PLRG1: variants seen among roughly 807,000 people sequenced by gnomAD.
PLRG1 encodes pleiotropic regulator 1, also known as pleiotropic regulator 1 (PRL1 homolog, Arabidopsis).
In PLRG1, 28 loss-of-function variants were observed where a neutral mutation model predicts 74.9. That is an observed-to-expected ratio of 0.37 (90% CI 0.28 to 0.51). The LOEUF (loss-of-function observed/expected upper bound fraction) is 0.51, where lower values mean the gene tolerates loss of function less well. Among genes scored for constraint, PLRG1 ranks in the 20% least tolerant of loss-of-function variants. PLRG1 has a pLI of 0.91. For missense variants in PLRG1, 445 were observed against 631.9 expected (o/e 0.70, Z 3.17); for synonymous variants, 197 against 212.4 (o/e 0.93, Z 0.63).
At chr4:154,549,197 T>A in intron 1 of PLRG1, 1 of 438,420 alleles carries the variant, frequency 2.3e-6, no homozygotes, top group South Asian at 1.9e-5. Context: ...ACTGTGTGTC[T>A]GGCAGGTATT....
Position 154,536,516 on chromosome 4 carries a change from A to G in PLRG1, c.*169T>C. 1.6e-6 allele frequency: 1 copy of G among 607,740 alleles called. No homozygotes were observed. Among genetic ancestry groups the G allele is most frequent in the Non-Finnish European group, 2.9e-6 (1 of 343,654 alleles). 37.6% of individuals were successfully genotyped at this position (607,740 alleles called of 1,614,324 possible). A position where few individuals can be genotyped will look rare whatever the true frequency, so the allele number is the denominator to read the frequency against. ...AGAAATAAAAACACAGGGGTAGGGG[A>G]CAGGGGACAGTTTATTGTAAAATAT... On this transcript the variant is annotated 3_prime_UTR_variant, in exon 15 of 15. Transcript: ENST00000499023.
rs140279149 is a variant in PLRG1 at position 154,536,659 on chromosome 4, A to G, written c.*26T>C. The G allele has an allele frequency of 6.6e-3, 8,357 of 1,267,288 alleles. 49 individuals carry two copies. The highest frequency in any genetic ancestry group is 0.017 in the Middle Eastern group (67 of 4,054). 78.5% of individuals were successfully genotyped at this position (1,267,288 alleles called of 1,614,324 possible). A position where few individuals can be genotyped will look rare whatever the true frequency, so the allele number is the denominator to read the frequency against. The stretch of plus-strand genomic sequence containing the variant: ...TTTTTTTTAATTAAAAAGAAAAAAA[A>G]AGAGAGAGAAAAAATTCCACATTCA... On this transcript the variant is annotated 3_prime_UTR_variant, in exon 15 of 15. Coordinates refer to ENST00000499023, the MANE Select transcript of PLRG1 (RefSeq NM_002669.4).
At chr4:154,541,249 T>C (rs1222247590) in intron 8 of PLRG1, among the ~76,000 whole-genome samples, 3 of 152,162 alleles carry the variant, frequency 2.0e-5, no homozygotes, top group African/African-American at 7.2e-5. Flanking sequence ...AAAGAAATCC[T>C]AAAAGCAGCA....
chr4:154,543,138 CTG>C (rs1729584667), intron 7 of PLRG1, among the ~76,000 whole-genome samples: 1 of 152,006 alleles, frequency 6.6e-6, no homozygotes, highest in South Asian at 2.1e-4. Context: ...TCATTACACA[CTG>C]TATGTTTTTC....
At position 154,544,493 on chromosome 4, in the gene PLRG1, G is replaced by A; in HGVS notation, c.546C>T (p.Ala182=). 1 of 1,612,782 alleles carries A rather than the reference G, an allele frequency of 6.2e-7. No homozygotes were observed. The highest frequency in any genetic ancestry group is 8.5e-7 in the Non-Finnish European group (1 of 1,178,974). ...GCCACTGGGGTTTTGGCATTGTAGG[G>A]GCTTTTTTAGCCATCAGTGCAGAGT... The part of the protein sequence containing the change: ...TKNSALMAKK[A]PTMPKPQWHP... Residue 182 remains alanine (A), a synonymous_variant, in exon 7 of 15, where the codon GCC becomes GCT. Transcript: ENST00000499023.
intron 6 of PLRG1, 92 bp from the exon 7 acceptor site, chr4:154,544,638 T>TA: frequency 2.9e-6 from 2 of 691,576 alleles, no homozygotes; most frequent in South Asian, 3.6e-5. Flanking sequence ...AGAGGGAACT[T>TA]ACAAAAGAAT....
chr4:154,543,239 C>T (rs11946124), intron 7 of PLRG1, among the ~76,000 whole-genome samples: 3,079 of 152,260 alleles, frequency 0.02, 102 homozygotes, highest in African/African-American at 0.07. Flanking sequence ...CCTCCGCCTC[C>T]TGAGCCCAAG....
rs1039810743 is a variant in PLRG1, at chr4:154,535,014, T to C, written c.*1671A>G. On this transcript the variant is annotated 3_prime_UTR_variant, in exon 15 of 15. Coordinates refer to ENST00000499023, the MANE Select transcript of PLRG1 (RefSeq NM_002669.4). ...CTCAGGAATGCAAGTGTAGTGTTCT[T>C]TTTTCTTTATTTAAGTTTACGAAAT... is the stretch of plus-strand genomic sequence containing the variant. 6.6e-6 allele frequency: 1 copy of C among 152,086 alleles called. No individual in the cohort carries two copies. The highest frequency in any genetic ancestry group is 6.6e-5 in the Admixed American group (1 of 15,236). 9.4% of individuals were successfully genotyped at this position (152,086 alleles called of 1,614,324 possible).
At chr4:154,538,879 G>C (rs1729504088) in intron 12 of PLRG1, 1 of 462,756 alleles carries the variant, frequency 2.2e-6, no homozygotes, top group East Asian at 3.1e-5. Context: ...TGTCTCATTT[G>C]ACATTATTTA....
intron 8 of PLRG1, 62 bp from the exon 9 acceptor site, chr4:154,540,996 A>T (rs7700005): frequency 0.32 from 383,148 of 1,192,388 alleles, 64,354 homozygotes; most frequent in Middle Eastern, 0.38. Context: ...AATTTTAGAA[A>T]CCTGATTATT....
chr4:154,539,018 C>A, intron 12 of PLRG1, 87 bp downstream of exon 12: 2 of 803,982 alleles, frequency 2.5e-6, no homozygotes, highest in Non-Finnish European at 4.4e-6. Context: ...TAAATGACTG[C>A]CAAAAGCAGT....
intron 10 of PLRG1, 45 bp downstream of exon 10, chr4:154,540,549 G>C: frequency 7.8e-7 from 1 of 1,285,138 alleles, no homozygotes; most frequent in Non-Finnish European, 1.1e-6. Flanking sequence ...CACCCTACAA[G>C]ATGCAATATA....
intron 1 of PLRG1, 77 bp downstream of exon 1, chr4:154,550,223 T>A (rs1729737673): frequency 7.9e-7 from 1 of 1,265,634 alleles, no homozygotes; most frequent in Admixed American, 1.7e-5. Flanking sequence ...CTCCAAGTAC[T>A]CTCAATCCCC....
rs766560203 is a variant in PLRG1 at position 154,540,640 on chromosome 4, G to A, written c.893C>T (p.Pro298Leu). ...ACAGGTTACCAACACATCGATTGTC[G>A]GGTGCAAATCCAAACCATACACTGC... ...LSAVYGLDLH[P>L]TIDVLVTCSR... is the part of the protein sequence containing the mutation. The change falls in exon 10 of 15, where the codon CCG becomes CTG. Residue 298 changes from proline to leucine, a missense_variant. Transcript: ENST00000499023. The A allele has an allele frequency of 3.7e-6, 6 of 1,613,366 alleles. No homozygotes were observed. The highest frequency in any genetic ancestry group is 1.1e-5 in the South Asian group (1 of 91,060).
chr4:154,547,142 A>G, intron 3 of PLRG1, 78 bp from the exon 4 acceptor site: 1 of 1,035,652 alleles, frequency 9.7e-7, no homozygotes, highest in Non-Finnish European at 1.5e-6. Flanking sequence ...TGTATCAAGT[A>G]ATATTAAGTT....
chr4:154,548,967 C>G, intron 1 of PLRG1, 32 bp from the exon 2 acceptor site: 1 of 1,160,270 alleles, frequency 8.6e-7, no homozygotes, highest in Non-Finnish European at 1.3e-6. Context: ...ACACACCTAT[C>G]TACAAATTAC....
chr4:154,539,070 G>A, intron 12 of PLRG1, 35 bp downstream of exon 12: 1 of 1,231,286 alleles, frequency 8.1e-7, no homozygotes, highest in Non-Finnish European at 1.2e-6. Flanking sequence ...AAGAACTGAA[G>A]AAAAACAAGA....
At chr4:154,549,656 C>T (rs1026753425) in intron 1 of PLRG1, 1 of 456,054 alleles carries the variant, frequency 2.2e-6, no homozygotes, top group African/African-American at 2.0e-5. Flanking sequence ...AAGGTATGAA[C>T]AACTTACGTT....
chr4:154,548,266 T>C (rs1252670041), intron 2 of PLRG1, among the ~76,000 whole-genome samples: 3 of 152,194 alleles, frequency 2.0e-5, no homozygotes, highest in Non-Finnish European at 2.9e-5. Flanking sequence ...AAGTACTTAA[T>C]TGGTTCAATA....
Sources: allele counts gnomAD v4.1 joint callset (sites outside exome capture counted in the v4.1 genomes callset), GRCh38; gene constraint gnomAD v4.1.1; transcripts MANE v1.5; gene names NCBI Gene and HGNC (gene_info 2026-07-23, HGNC 2026-07-21).